PCGF2: variants seen among roughly 807,000 people sequenced by gnomAD.
PCGF2 encodes polycomb group RING finger protein 2.
PCGF2 carries 8 observed loss-of-function variants against 36.1 expected under a neutral mutation model. The ratio of observed to expected loss-of-function variants is 0.22; its 90% CI spans 0.13 to 0.40. PCGF2 has a LOEUF of 0.40. Among genes scored for constraint, PCGF2 ranks in the 10% least tolerant of loss-of-function variants. The probability of loss-of-function intolerance (pLI) is 1.00; values close to 1 mark genes in which losing one functional copy is unlikely to be tolerated. For synonymous variants in PCGF2, 198 were observed against 191.2 expected (o/e 1.04, Z -0.29); for missense variants, 436 against 475.9 (o/e 0.92, Z 0.78).
At position 38,739,406 on chromosome 17, in the gene PCGF2, C is replaced by G. The variant is rs990858239; in HGVS notation, c.210-153G>C. ...CCCTGTGGGTCTGGTCTTTGCCCCTCTAGTATGCCTCACCCTGTGATGAGC... is the reference window on the plus strand; with the variant it reads ...CCCTGTGGGTCTGGTCTTTGCCCCTGTAGTATGCCTCACCCTGTGATGAGC... On this transcript the variant is annotated intron_variant, in intron 4 of 10. Coordinates refer to ENST00000620225, the MANE Select transcript of PCGF2 (RefSeq NM_007144.3). The surrounding 1 kb of genome is among the most constrained non-coding windows in gnomAD (Gnocchi z 4.0). 2.0e-5 allele frequency among the ~76,000 whole-genome samples: 3 copies of G among 152,088 alleles called. No homozygotes were observed. The highest frequency in any genetic ancestry group is 2.9e-5 in the Non-Finnish European group (2 of 68,020).
chr17:38,739,503 C>T lies in PCGF2; in HGVS notation c.209+83G>A. 8.5e-7 allele frequency: 1 copy of T among 1,169,958 alleles called. No homozygotes were observed. The highest frequency in any genetic ancestry group is 1.2e-5 in the South Asian group (1 of 82,272). The allele number at this position is 1,169,958 out of a possible 1,614,324, so 72.5% of individuals were successfully genotyped here. On this transcript the variant is annotated intron_variant, in intron 4 of 10. Coordinates refer to ENST00000620225, the MANE Select transcript of PCGF2 (RefSeq NM_007144.3). This position sits in a 1 kb window ranked among gnomAD's most constrained non-coding sequence, Gnocchi z 4.0. ...GCTTCTCCTACACCTGCCGCCTTGG[C>T]TGAAGGAAGCACGGAGCGTGGGAGG...
intron 10 of PCGF2, 143 bp from the exon 11 acceptor site, chr17:38,735,743 A>G (rs1269096707): frequency 1.7e-6 from 2 of 1,160,780 alleles, no homozygotes; most frequent in Non-Finnish European, 2.4e-6. Flanking sequence ...GAGAGAGACA[A>G]GGATACAGGG....
chr17:38,736,302 A>C, intron 9 of PCGF2, 132 bp from the exon 10 acceptor site: 1 of 673,914 alleles, frequency 1.5e-6, no homozygotes, highest in South Asian at 1.6e-5. Context: ...CTGGGATTTC[A>C]CTGTGGATTT....
In PCGF2 at chr17:38,734,919, A is replaced by T; in HGVS notation, c.*304T>A. 1 of 219,084 alleles carries T rather than the reference A, an allele frequency of 4.6e-6. No homozygotes were observed. The highest frequency in any genetic ancestry group is 8.8e-6 in the Non-Finnish European group (1 of 113,698). The allele number at this position is 219,084 out of a possible 1,614,324, so 13.6% of individuals were successfully genotyped here. On this transcript the variant is annotated 3_prime_UTR_variant, in exon 11 of 11. Transcript: ENST00000620225. Reference sequence around the variant, plus strand: ...TGGCCCATCCAGTTCATCTCCAGGCACCCCCAAAAACAGCAAATTACACAA... The same window carrying T: ...TGGCCCATCCAGTTCATCTCCAGGCTCCCCCAAAAACAGCAAATTACACAA...
At chr17:38,738,730 G>A (rs1291019626) in intron 7 of PCGF2, 23 bp downstream of exon 7, 3 of 1,597,972 alleles carry the variant, frequency 1.9e-6, no homozygotes, top group Non-Finnish European at 2.6e-6. Flanking sequence ...AACCCAGAAG[G>A]GGCCAGCCTG....
intron 2 of PCGF2, among the ~76,000 whole-genome samples, 172 bp downstream of exon 2, chr17:38,747,707 C>T (rs1598023901): frequency 6.6e-6 from 1 of 152,182 alleles, no homozygotes; most frequent in African/African-American, 2.4e-5. Context: ...GGCCCCAAGT[C>T]CCCGCGCGTC....
At chr17:38,748,736 G>A (rs1907727145), upstream of PCGF2, among the ~76,000 whole-genome samples, 1 of 152,198 alleles carries the variant, frequency 6.6e-6, no homozygotes, top group South Asian at 2.1e-4. Context: ...TGGGCTGAAA[G>A]GTGGCTCGTG....
intron 2 of PCGF2, among the ~76,000 whole-genome samples, chr17:38,745,022 G>T (rs924382405): frequency 5.3e-5 from 8 of 152,142 alleles, no homozygotes; most frequent in Middle Eastern, 3.2e-3. Context: ...AAACCAGGCT[G>T]GCAAAGATGG....
In PCGF2 at chr17:38,739,337, C is replaced by G. The variant is rs1907016717; in HGVS notation, c.210-84G>C. The G allele has an allele frequency of 2.4e-6, 3 of 1,251,644 alleles. No homozygotes were observed. The highest frequency in any genetic ancestry group is 5.0e-4 in the Middle Eastern group (2 of 3,970). The allele number at this position is 1,251,644 out of a possible 1,614,324, so 77.5% of individuals were successfully genotyped here. A position where few individuals can be genotyped will look rare whatever the true frequency, so the allele number is the denominator to read the frequency against. On this transcript the variant is annotated intron_variant, in intron 4 of 10. Coordinates refer to ENST00000620225, the MANE Select transcript of PCGF2 (RefSeq NM_007144.3). The surrounding 1 kb of genome is among the most constrained non-coding windows in gnomAD (Gnocchi z 4.0). ...CCCTGCTCTCCCAGCCAGGGTACCC[C>G]TCTTCCCACCCCCTTCCTGAGACCG...
At chr17:38,746,778 C>A (rs539952338) in intron 2 of PCGF2, 1 of 152,402 alleles carries the variant, frequency 6.6e-6, no homozygotes, top group African/African-American at 2.4e-5. Context: ...TTTCCTGCTT[C>A]ATTCCAAAGT....
Position 38,735,080 on chromosome 17 carries a change from T to C in PCGF2, c.*143A>G, listed in dbSNP as rs1598011247. ...ATATTTGGTTTTTCCTATGTACATA[T>C]ATATATATATTTATTTATAAAACCC... On this transcript the variant is annotated 3_prime_UTR_variant, in exon 11 of 11. Transcript: ENST00000620225. The C allele has an allele frequency of 6.0e-6, 3 of 500,408 alleles. No individual in the cohort carries two copies. The highest frequency in any genetic ancestry group is 7.7e-5 in the Admixed American group (2 of 25,892). The allele number at this position is 500,408 out of a possible 1,614,324, so 31.0% of individuals were successfully genotyped here. A position where few individuals can be genotyped will look rare whatever the true frequency, so the allele number is the denominator to read the frequency against.
chr17:38,740,737 C>T lies in PCGF2; in HGVS notation c.-40-295G>A, dbSNP rs565646839. On this transcript the variant is annotated intron_variant, in intron 2 of 10. Transcript: ENST00000620225. The stretch of plus-strand genomic sequence containing the variant: ...TCATGCCACTGCACTCCAGCCTGGG[C>T]GACAGAGTGAGAGTCTGTCTCAAAA... Among the ~76,000 whole-genome samples, 11 of 152,032 alleles carry T rather than the reference C, an allele frequency of 7.2e-5. No homozygotes were observed. In the East Asian group the frequency reaches 1.2e-3, roughly 16 times the overall value.
chr17:38,738,645 G>A, intron 7 of PCGF2, 50 bp from the exon 8 acceptor site: 11 of 1,551,596 alleles, frequency 7.1e-6, no homozygotes, highest in Non-Finnish European at 9.7e-6. Flanking sequence ...AGAACCAGGA[G>A]ACCCAGGAGG....
chr17:38,738,915 C>G, intron 6 of PCGF2, 54 bp from the exon 7 acceptor site: 1 of 1,555,330 alleles, frequency 6.4e-7, no homozygotes. Flanking sequence ...GGGAGCCCGC[C>G]AAGGACCCAG....
chr17:38,733,920 A>G lies in PCGF2; in HGVS notation c.*1303T>C, dbSNP rs1394884355. 1 of 158,516 alleles carries G rather than the reference A, an allele frequency of 6.3e-6. No individual in the cohort carries two copies. The highest frequency in any genetic ancestry group is 1.9e-4 in the East Asian group (1 of 5,344). 9.8% of individuals were successfully genotyped at this position (158,516 alleles called of 1,614,324 possible). On this transcript the variant is annotated 3_prime_UTR_variant, in exon 11 of 11. Coordinates refer to ENST00000620225, the MANE Select transcript of PCGF2 (RefSeq NM_007144.3). ...CCAGAAAGTATGCAGCATTTATTAC[A>G]AAGCCAAGAGATACAGATGTCCCAG...
intron 9 of PCGF2, among the ~76,000 whole-genome samples, chr17:38,736,696 T>C (rs1906773319): frequency 1.3e-5 from 2 of 151,380 alleles, no homozygotes; most frequent in South Asian, 2.1e-4. Flanking sequence ...TAGCTGGGCG[T>C]GGTGGCGGGT....
At position 38,748,199 on chromosome 17, in the gene PCGF2, G is replaced by A. The variant is rs1206594121; in HGVS notation, c.-137C>T. ...AGGGGGAGTCCGCTCCGCTTACCTG[G>A]GTTCGGGGTCCGGTGGGTCTCGGGG... On this transcript the variant is annotated 5_prime_UTR_variant, in exon 1 of 11. Coordinates refer to ENST00000620225, the MANE Select transcript of PCGF2 (RefSeq NM_007144.3). The A allele has an allele frequency of 6.9e-6, 1 of 145,234 alleles. No individual in the cohort carries two copies. Among genetic ancestry groups the A allele is most frequent in the Non-Finnish European group, 1.5e-5 (1 of 65,726 alleles). The allele number at this position is 145,234 out of a possible 1,614,324, so 9.0% of individuals were successfully genotyped here.
At position 38,734,929 on chromosome 17, in the gene PCGF2, A is replaced by T; in HGVS notation, c.*294T>A. On this transcript the variant is annotated 3_prime_UTR_variant, in exon 11 of 11. Transcript: ENST00000620225. Reference sequence around the variant, plus strand: ...AGTTCATCTCCAGGCACCCCCAAAAACAGCAAATTACACAAGACCCCCCCC... The same window carrying T: ...AGTTCATCTCCAGGCACCCCCAAAATCAGCAAATTACACAAGACCCCCCCC... 8.4e-6 allele frequency: 2 copies of T among 237,152 alleles called. No individual in the cohort carries two copies. 14.7% of individuals were successfully genotyped at this position (237,152 alleles called of 1,614,324 possible).
At chr17:38,747,015 C>G (rs1907576420) in intron 2 of PCGF2, among the ~76,000 whole-genome samples, 1 of 152,172 alleles carries the variant, frequency 6.6e-6, no homozygotes, top group African/African-American at 2.4e-5. Flanking sequence ...AACCAGGAGA[C>G]AGCCCTCCCC....
Sources: allele counts gnomAD v4.1 joint callset (sites outside exome capture counted in the v4.1 genomes callset), GRCh38; gene constraint gnomAD v4.1.1; non-coding constraint Gnocchi (gnomAD v3.1); transcripts MANE v1.5; gene names NCBI Gene and HGNC (gene_info 2026-07-23, HGNC 2026-07-21).